The following DNMT3A variants were observed in gnomAD, a reference collection of about 807,000 sequenced individuals.
The protein encoded by DNMT3A is DNA methyltransferase 3 alpha, also known as DNA (cytosine-5)-methyltransferase 3A.
A neutral mutation model predicts 117.6 loss-of-function variants in DNMT3A; 267 were observed. The ratio of observed to expected loss-of-function variants is 2.27; its 90% CI spans 2.05 to 2.51. The LOEUF is 2.51. Among genes scored for constraint, DNMT3A ranks in the 30% most tolerant of loss-of-function variants. The pLI is 0.00. For missense variants in DNMT3A, 1,029 were observed against 1,260.2 expected (o/e 0.82, Z 2.78); for synonymous variants, 432 against 474.8 (o/e 0.91, Z 1.17).
chr2:25,332,532 T>A (rs868078779), intron 1 of DNMT3A, among the ~76,000 whole-genome samples: 1 of 152,234 alleles, frequency 6.6e-6, no homozygotes, highest in Non-Finnish European at 1.5e-5. Context: ...AGTAGGTCTC[T>A]TAGATGAATG....
chr2:25,251,019 C>T (rs1245569222), intron 6 of DNMT3A, among the ~76,000 whole-genome samples: 1 of 152,214 alleles, frequency 6.6e-6, no homozygotes, highest in Admixed American at 6.5e-5. Flanking sequence ...CCCAGCTTGT[C>T]AGATGCCGCG....
At chr2:25,309,957 G>A (rs1292571693) in intron 2 of DNMT3A, among the ~76,000 whole-genome samples, 1 of 152,140 alleles carries the variant, frequency 6.6e-6, no homozygotes, top group Non-Finnish European at 1.5e-5. Context: ...TCAGGAGGCT[G>A]AGGCAGGAGA....
intron 4 of DNMT3A, among the ~76,000 whole-genome samples, chr2:25,278,216 C>T (rs940787994): frequency 2.0e-5 from 3 of 152,196 alleles, no homozygotes; most frequent in Admixed American, 2.0e-4. Flanking sequence ...CTGACAGGCC[C>T]GAACATGACC....
chr2:25,274,905 AG>A, intron 6 of DNMT3A, 35 bp downstream of exon 6: 1 of 1,587,380 alleles, frequency 6.3e-7, no homozygotes, highest in East Asian at 2.3e-5. Flanking sequence ...CCAGTTCTGC[AG>A]GACGGGCTGG....
Position 25,282,159 on chromosome 2 carries a change from T to C in DNMT3A, c.448+282A>G. 1.7e-6 allele frequency: 2 copies of C among 1,205,338 alleles called. No individual in the cohort carries two copies. The highest frequency in any genetic ancestry group is 2.1e-6 in the Non-Finnish European group (2 of 939,296). The allele number at this position is 1,205,338 out of a possible 1,614,324, so 74.7% of individuals were successfully genotyped here. On this transcript the variant is annotated intron_variant, in intron 4 of 22. Coordinates refer to ENST00000321117, the MANE Select transcript of DNMT3A (RefSeq NM_022552.5). The surrounding 1 kb of genome is among the most constrained non-coding windows in gnomAD (Gnocchi z 5.2). Reference sequence around the variant, plus strand: ...CCCGCTGTTGCCAGATCTAGCTTTTTTTTTTTTCATGAGAAGCCAAAACTC... The same window carrying C: ...CCCGCTGTTGCCAGATCTAGCTTTTCTTTTTTTCATGAGAAGCCAAAACTC...
rs1248134436 is a variant in DNMT3A at position 25,304,761 on chromosome 2, C to G, written c.73-4518G>C. ...TGGTCCCAACAGACAGCACCAAGCG[C>G]GAAAGCAAACTGCTTCCGGCCTCAG... On this transcript the variant is annotated intron_variant, in intron 2 of 22. Transcript: ENST00000321117. This position sits in a 1 kb window ranked among gnomAD's most constrained non-coding sequence, Gnocchi z 4.3. Among the ~76,000 whole-genome samples, 1 of 152,224 alleles carries G rather than the reference C, an allele frequency of 6.6e-6. No individual in the cohort carries two copies. Among genetic ancestry groups the G allele is most frequent in the Non-Finnish European group, 1.5e-5 (1 of 68,040 alleles).
At chr2:25,250,151 G>A (rs1256987474) in intron 6 of DNMT3A, among the ~76,000 whole-genome samples, 1 of 152,114 alleles carries the variant, frequency 6.6e-6, no homozygotes, top group African/African-American at 2.4e-5. Flanking sequence ...ATGATTCCCA[G>A]GACTCTCCCA....
In DNMT3A at chr2:25,333,185, C is replaced by A. The variant is rs2035077683; in HGVS notation, c.-178+8641G>T. Among the ~76,000 whole-genome samples the A allele has an allele frequency of 2.7e-5, 4 of 150,642 alleles. No homozygotes were observed. The South Asian group carries it at 8.4e-4, about 32-fold the overall frequency. On this transcript the variant is annotated intron_variant, in intron 1 of 22. Transcript: ENST00000321117. ...TAACGGAAGCTAAGGAGGACAGAGA[C>A]ATCTTTCTCTATCCCTGCCACTCCC...
rs557783686 is a variant in DNMT3A, at chr2:25,298,589, T to C, written c.177+1550A>G. 6.6e-6 allele frequency among the ~76,000 whole-genome samples: 1 copy of C among 152,260 alleles called. No individual in the cohort carries two copies. Among genetic ancestry groups the C allele is most frequent in the Non-Finnish European group, 1.5e-5 (1 of 68,002 alleles). ...CACGCTGCAAATGTGGAGTCACCAG[T>C]GTGCTCTGACTCCGGCCTGGCTCTC... On this transcript the variant is annotated intron_variant, in intron 3 of 22. Coordinates refer to ENST00000321117, the MANE Select transcript of DNMT3A (RefSeq NM_022552.5). This position sits in a 1 kb window ranked among gnomAD's most constrained non-coding sequence, Gnocchi z 4.3.
intron 2 of DNMT3A, among the ~76,000 whole-genome samples, chr2:25,310,520 G>A (rs1429776846): frequency 6.6e-6 from 1 of 152,056 alleles, no homozygotes. Context: ...AGGCCACTCT[G>A]TACACTCCCA....
At chr2:25,273,006 C>CTTTTTTT (rs2031074134) in intron 6 of DNMT3A, among the ~76,000 whole-genome samples, 2 of 124,586 alleles carry the variant, frequency 1.6e-5, no homozygotes, top group African/African-American at 7.1e-5. Context: ...CAGAGTTTTG[C>CTTTTTTT]TCTTGTTGTC....
rs557785679 is a variant in DNMT3A, at chr2:25,290,892, G to A, written c.178-8181C>T. Among the ~76,000 whole-genome samples the A allele has an allele frequency of 1.3e-4, 20 of 152,298 alleles. 1 individual carries two copies. Among genetic ancestry groups the A allele is most frequent in the African/African-American group, 4.6e-4 (19 of 41,564 alleles). On this transcript the variant is annotated intron_variant, in intron 3 of 22. Transcript: ENST00000321117. ...CTCTTGCCTTCTCCCCCAAAGCCCAGCAGATGCAGGGGCGACCTCACCTTG... is the reference window on the plus strand; with the variant it reads ...CTCTTGCCTTCTCCCCCAAAGCCCAACAGATGCAGGGGCGACCTCACCTTG...
intron 4 of DNMT3A, among the ~76,000 whole-genome samples, chr2:25,279,478 G>A (rs1054481009): frequency 6.6e-6 from 1 of 151,848 alleles, no homozygotes; most frequent in Non-Finnish European, 1.5e-5. Flanking sequence ...AACCGTGACC[G>A]AGCCTCCACA....
rs139598829 is a variant in DNMT3A, at chr2:25,229,954, G to A, written c.*4325C>T. Reference sequence around the variant, plus strand: ...TGGTGGCCAATTATCGGGAAGCAAGGGGAGCTGGGCCCTGTGAGACCCCTT... The same window carrying A: ...TGGTGGCCAATTATCGGGAAGCAAGAGGAGCTGGGCCCTGTGAGACCCCTT... On this transcript the variant is annotated 3_prime_UTR_variant, in exon 23 of 23. Coordinates refer to ENST00000321117, the MANE Select transcript of DNMT3A (RefSeq NM_022552.5). 6.4e-4 allele frequency: 98 copies of A among 152,338 alleles called. No homozygotes were observed. The highest frequency in any genetic ancestry group is 2.2e-3 in the African/African-American group (90 of 41,564). The allele number at this position is 152,338 out of a possible 1,614,324, so 9.4% of individuals were successfully genotyped here.
chr2:25,313,786 C>T (rs2149428718), intron 2 of DNMT3A, 127 bp downstream of exon 2: 1 of 1,417,658 alleles, frequency 7.1e-7, no homozygotes, highest in South Asian at 1.3e-5. Context: ...TGTGATGGTC[C>T]CACACCCTGT....
chr2:25,242,350 A>G (rs541297459), intron 16 of DNMT3A, among the ~76,000 whole-genome samples: 11 of 152,098 alleles, frequency 7.2e-5, no homozygotes, highest in African/African-American at 2.7e-4. Context: ...CCCTCCAGAA[A>G]TGCTAGCCGA....
rs554962013 is a variant in DNMT3A, at chr2:25,247,421, A to C, written c.1014+170T>G. ...CCAGCATCCTAGCTCTCTGAGCCAC[A>C]GGTGCAACCTAATTATCCCTACAGC... is the stretch of plus-strand genomic sequence containing the variant. On this transcript the variant is annotated intron_variant, in intron 8 of 22. Coordinates refer to ENST00000321117, the MANE Select transcript of DNMT3A (RefSeq NM_022552.5). This position sits in a 1 kb window ranked among gnomAD's most constrained non-coding sequence, Gnocchi z 5.6. The C allele has an allele frequency of 1.6e-4, 173 of 1,091,600 alleles. No homozygotes were observed. In the African/African-American group the frequency reaches 2.0e-3, roughly 13 times the overall value. 67.6% of individuals were successfully genotyped at this position (1,091,600 alleles called of 1,614,324 possible).
Position 25,274,954 on chromosome 2 carries a change from C to A in DNMT3A, c.626G>T (p.Arg209Leu). The change falls in exon 6 of 23, where the codon CGC becomes CTC. Residue 209 changes from arginine to leucine, a missense_variant. Transcript: ENST00000321117. Reference sequence around the variant, plus strand: ...AAGGCGCCTCACCTCCCTTTTCCAGCGTGCCAGCCACTCGTCCCGCTTGCG... The same window carrying A: ...AAGGCGCCTCACCTCCCTTTTCCAGAGTGCCAGCCACTCGTCCCGCTTGCG... ...SKRKRDEWLA[R>L]WKREAEKKAK... 1 of 1,609,728 alleles carries A rather than the reference C, an allele frequency of 6.2e-7. No homozygotes were observed. The highest frequency in any genetic ancestry group is 8.5e-7 in the Non-Finnish European group (1 of 1,176,810).
rs1344645804 is a variant in DNMT3A, at chr2:25,298,432, C to T, written c.177+1707G>A. The stretch of plus-strand genomic sequence containing the variant: ...GCTACCCTCTGATTCCAGAGACTCA[C>T]AAAGATGAGTCAAAGGGTTGCTGGG... On this transcript the variant is annotated intron_variant, in intron 3 of 22. Transcript: ENST00000321117. The surrounding 1 kb of genome is among the most constrained non-coding windows in gnomAD (Gnocchi z 4.3). Among the ~76,000 whole-genome samples the T allele has an allele frequency of 6.6e-6, 1 of 152,238 alleles. No homozygotes were observed. The highest frequency in any genetic ancestry group is 1.5e-5 in the Non-Finnish European group (1 of 68,030).
Sources: allele counts gnomAD v4.1 joint callset (sites outside exome capture counted in the v4.1 genomes callset), GRCh38; gene constraint gnomAD v4.1.1; non-coding constraint Gnocchi (gnomAD v3.1); transcripts MANE v1.5; gene names NCBI Gene and HGNC (gene_info 2026-07-23, HGNC 2026-07-21).